Variants in RBP7 observed in about 807,000 individuals in gnomAD.
RBP7 encodes retinoid-binding protein 7.
A neutral mutation model predicts 16.7 loss-of-function variants in RBP7; 13 were observed. That is an observed-to-expected ratio of 0.78 (90% CI 0.51 to 1.24). RBP7 has a LOEUF of 1.24. Among genes scored for constraint, RBP7 ranks in the 50% most tolerant of loss-of-function variants. The pLI is 0.00. For missense variants in RBP7, 145 were observed against 159.5 expected, an observed-to-expected ratio of 0.91 and a Z score of 0.49; for synonymous variants, 54 against 56.2, an observed-to-expected ratio of 0.96 and a Z score of 0.17.
intron 1 of RBP7, among the ~76,000 whole-genome samples, chr1:9,998,692 G>T (rs1642216405): frequency 4.6e-5 from 7 of 152,126 alleles, no homozygotes; most frequent in African/African-American, 1.2e-4. Flanking sequence ...ACAGGCGTGA[G>T]GCACCGCACC....
chr1:9,998,341 G>A (rs184690194), intron 1 of RBP7, among the ~76,000 whole-genome samples: 4 of 151,710 alleles, frequency 2.6e-5, no homozygotes, highest in East Asian at 1.9e-4. Flanking sequence ...TTGCCGTGCC[G>A]GCCAATCCCT....
chr1:10,015,826 A>G lies in RBP7; in HGVS notation c.399A>G (p.Arg133=). Residue 133 remains arginine (R), a synonymous_variant, in exon 4 of 4, where the codon AGA becomes AGG. Transcript: ENST00000294435. ...EGQVCKQTFQ[R]A is the part of the protein sequence containing the mutation. ...AAGTGTGCAAACAGACATTCCAGAG[A>G]GCCTGATCCACATCCAGCAGCAGAG... 2 of 1,614,040 alleles carry G rather than the reference A, an allele frequency of 1.2e-6. No homozygotes were observed. The highest frequency in any genetic ancestry group is 1.7e-6 in the Non-Finnish European group (2 of 1,179,942).
intron 1 of RBP7, chr1:10,007,153 T>A (rs1278816966): frequency 3.2e-6 from 1 of 313,680 alleles, no homozygotes; most frequent in Admixed American, 4.8e-5. Flanking sequence ...TACATGTTGA[T>A]CAGGCTGGTC....
chr1:9,997,340 G>C lies in RBP7; in HGVS notation c.73+9G>C. ...CTACATGCTGGCCCTAGGTAAGGCGGAGGGGAGGCGGCGGCGGCGCGAGGC... is the reference window on the plus strand; with the variant it reads ...CTACATGCTGGCCCTAGGTAAGGCGCAGGGGAGGCGGCGGCGGCGCGAGGC... On this transcript the variant is annotated intron_variant, in intron 1 of 3. Coordinates refer to ENST00000294435, the MANE Select transcript of RBP7 (RefSeq NM_052960.3). The surrounding 1 kb of genome is among the most constrained non-coding windows in gnomAD (Gnocchi z 5.9). 1 of 1,609,776 alleles carries C rather than the reference G, an allele frequency of 6.2e-7. No individual in the cohort carries two copies. The highest frequency in any genetic ancestry group is 8.5e-7 in the Non-Finnish European group (1 of 1,178,498).
chr1:10,002,901 G>T (rs2101733299), intron 1 of RBP7, among the ~76,000 whole-genome samples: 1 of 152,278 alleles, frequency 6.6e-6, no homozygotes, highest in East Asian at 1.9e-4. Flanking sequence ...ATGGTAGTGA[G>T]GTAGGAGGCA....
intron 2 of RBP7, 101 bp downstream of exon 2, chr1:10,007,849 C>G: frequency 9.4e-7 from 1 of 1,063,438 alleles, no homozygotes; most frequent in South Asian, 1.6e-5. Context: ...TAGTTTGAGA[C>G]CAGCCTGGGC....
chr1:10,015,876 C>G lies in RBP7; in HGVS notation c.*44C>G, dbSNP rs1348719068. The G allele has an allele frequency of 1.3e-6, 2 of 1,572,352 alleles. No individual in the cohort carries two copies. The highest frequency in any genetic ancestry group is 3.3e-5 in the Admixed American group (2 of 59,842). On this transcript the variant is annotated 3_prime_UTR_variant, in exon 4 of 4. Coordinates refer to ENST00000294435, the MANE Select transcript of RBP7 (RefSeq NM_052960.3). ...GCCCACTTGTGGCTGCAGCTTTATG[C>G]CAAATTATATTGCAGACTGAACAGA...
chr1:10,005,578 T>C (rs1273516196), intron 1 of RBP7, among the ~76,000 whole-genome samples: 2 of 151,756 alleles, frequency 1.3e-5, no homozygotes, highest in East Asian at 3.9e-4. Flanking sequence ...GTTTTTTTTT[T>C]TTTGAGACGG....
chr1:10,015,712 T>G (rs1225842692), intron 3 of RBP7, 70 bp from the exon 4 acceptor site: 9 of 1,281,584 alleles, frequency 7.0e-6, no homozygotes, highest in Non-Finnish European at 1.0e-5. Flanking sequence ...CAATAAAAAA[T>G]AAGTGTTGAG....
At position 9,997,907 on chromosome 1, in the gene RBP7, G is replaced by A. The variant is rs934763862; in HGVS notation, c.73+576G>A. Among the ~76,000 whole-genome samples the A allele has an allele frequency of 6.6e-6, 1 of 152,146 alleles. No homozygotes were observed. Among genetic ancestry groups the A allele is most frequent in the Non-Finnish European group, 1.5e-5 (1 of 68,016 alleles). On this transcript the variant is annotated intron_variant, in intron 1 of 3. Transcript: ENST00000294435. The surrounding 1 kb of genome is among the most constrained non-coding windows in gnomAD (Gnocchi z 5.9). The stretch of plus-strand genomic sequence containing the variant: ...CCAGCGGACGACCCTTCAGGTCCGG[G>A]CACCCGCGGGAGTGCAGAGCCTGGT...
At chr1:10,012,594 C>T (rs1309989661) in intron 3 of RBP7, among the ~76,000 whole-genome samples, 1 of 148,236 alleles carries the variant, frequency 6.7e-6, no homozygotes, top group East Asian at 2.0e-4. Context: ...GAGTTTGAGT[C>T]AAGCCTGGGG....
chr1:10,003,110 C>A (rs1164973120), intron 1 of RBP7, among the ~76,000 whole-genome samples: 2 of 152,146 alleles, frequency 1.3e-5, no homozygotes, highest in South Asian at 2.1e-4. Flanking sequence ...AAGTTACTAC[C>A]CCTTCCCTAG....
At chr1:10,004,856 G>A (rs777245076) in intron 1 of RBP7, among the ~76,000 whole-genome samples, 2 of 152,196 alleles carry the variant, frequency 1.3e-5, no homozygotes, top group Non-Finnish European at 2.9e-5. Context: ...AGCCAGGTGT[G>A]GTGGCACATG....
chr1:10,006,460 T>C lies in RBP7; in HGVS notation c.74-1110T>C, dbSNP rs190776115. 1.2e-3 allele frequency among the ~76,000 whole-genome samples: 184 copies of C among 152,174 alleles called. 1 individual carries two copies. Among genetic ancestry groups the C allele is most frequent in the African/African-American group, 4.1e-3 (170 of 41,558 alleles). ...GAAAGGTTGAGGCTACAGTGAGCCA[T>C]GATTGCACCACTGCACTTCAGCCTG... On this transcript the variant is annotated intron_variant, in intron 1 of 3. Coordinates refer to ENST00000294435, the MANE Select transcript of RBP7 (RefSeq NM_052960.3).
At chr1:10,009,547 T>C (rs191403484) in intron 3 of RBP7, among the ~76,000 whole-genome samples, 2 of 142,126 alleles carry the variant, frequency 1.4e-5, no homozygotes, top group East Asian at 4.1e-4. Flanking sequence ...TGAGATGGAG[T>C]CTCTCCCTCT....
At chr1:10,014,694 T>G (rs1431615347) in intron 3 of RBP7, among the ~76,000 whole-genome samples, 2 of 152,116 alleles carry the variant, frequency 1.3e-5, no homozygotes, top group Non-Finnish European at 2.9e-5. Context: ...TCAGGCTGTT[T>G]CTGAGTTGTT....
intron 1 of RBP7, among the ~76,000 whole-genome samples, chr1:10,001,041 T>A (rs1016067983): frequency 6.6e-6 from 1 of 152,286 alleles, no homozygotes; most frequent in South Asian, 2.1e-4. Context: ...GCTGATTGCC[T>A]CTTTTTTAGT....
At chr1:10,001,825 A>G (rs1642286536) in intron 1 of RBP7, among the ~76,000 whole-genome samples, 1 of 150,502 alleles carries the variant, frequency 6.6e-6, no homozygotes, top group Non-Finnish European at 1.5e-5. Context: ...TTATTTATTT[A>G]TTTATTTATT....
At chr1:9,999,214 AC>A (rs1488919779) in intron 1 of RBP7, among the ~76,000 whole-genome samples, 1 of 152,032 alleles carries the variant, frequency 6.6e-6, no homozygotes, top group Non-Finnish European at 1.5e-5. Flanking sequence ...TTCCCCAGCC[AC>A]GTGGAACTGC....
Sources: allele counts gnomAD v4.1 joint callset (sites outside exome capture counted in the v4.1 genomes callset), GRCh38; gene constraint gnomAD v4.1.1; non-coding constraint Gnocchi (gnomAD v3.1); transcripts MANE v1.5; gene names NCBI Gene and HGNC (gene_info 2026-07-23, HGNC 2026-07-21).